Variants in PRTFDC1 observed in about 807,000 individuals in gnomAD.
The protein encoded by PRTFDC1 is phosphoribosyltransferase domain-containing protein 1.
PRTFDC1 carries 38 observed loss-of-function variants against 34.6 expected under a neutral mutation model. The ratio of observed to expected loss-of-function variants is 1.10; its 90% confidence interval spans 0.85 to 1.44. The LOEUF is 1.44. Among genes scored for constraint, PRTFDC1 ranks in the 40% most tolerant of loss-of-function variants. The pLI, the probability that PRTFDC1 is intolerant of heterozygous loss-of-function variation, is 0.00. For synonymous variants in PRTFDC1, 93 were observed against 98.1 expected, an observed-to-expected ratio of 0.95 and a Z score of 0.31; for missense variants, 270 against 283.0, an observed-to-expected ratio of 0.95 and a Z score of 0.33.
chr10:24,890,986 T>C (rs1381416488), intron 3 of PRTFDC1, among the ~76,000 whole-genome samples: 6 of 152,186 alleles, frequency 3.9e-5, no homozygotes, highest in African/African-American at 1.4e-4. Flanking sequence ...GCTGACAGGC[T>C]CATTTGTGGA....
chr10:24,900,535 A>G (rs1463822892), intron 3 of PRTFDC1, among the ~76,000 whole-genome samples: 1 of 152,246 alleles, frequency 6.6e-6, no homozygotes, highest in Admixed American at 6.5e-5. Flanking sequence ...TTGAGTGGAA[A>G]CAGAGGGAGA....
At position 24,937,229 on chromosome 10, in the gene PRTFDC1, T is replaced by G. The variant is rs369301102; in HGVS notation, c.294A>C (p.Arg98=). 2 of 1,613,804 alleles carry G rather than the reference T, an allele frequency of 1.2e-6. No homozygotes were observed. The highest frequency in any genetic ancestry group is 1.3e-5 in the African/African-American group (1 of 74,898). Residue 98 remains arginine, a synonymous_variant, in exon 3 of 9, where the codon CGA becomes CGC. Transcript: ENST00000320152. ...HLKNISRNSD[R]FVSMKVDFIR... ...TGAAATCAACCTTCATTGAGACAAA[T>G]CGATCTGAATTTCGGCTGATGTTCT...
At chr10:24,949,902 T>C (rs1849313301) in intron 1 of PRTFDC1, among the ~76,000 whole-genome samples, 1 of 151,940 alleles carries the variant, frequency 6.6e-6, no homozygotes, top group Non-Finnish European at 1.5e-5. Context: ...GCCAAGCTAA[T>C]TTTGTATTTT....
intron 4 of PRTFDC1, 89 bp from the exon 5 acceptor site, chr10:24,858,498 C>A (rs1847620528): frequency 7.4e-7 from 1 of 1,353,900 alleles, no homozygotes; most frequent in African/African-American, 1.4e-5. Context: ...GTTAGAATTT[C>A]ACAATTTACT....
At chr10:24,883,749 G>A (rs1273979044) in intron 3 of PRTFDC1, among the ~76,000 whole-genome samples, 1 of 149,246 alleles carries the variant, frequency 6.7e-6, no homozygotes, top group Non-Finnish European at 1.5e-5. Flanking sequence ...ACTCCCCAAA[G>A]ACTCCAGCAA....
rs1849365806 is a variant in PRTFDC1, at chr10:24,952,587, G to C, written c.-12C>G. On this transcript the variant is annotated 5_prime_UTR_variant, in exon 1 of 9. Transcript: ENST00000320152. This position sits in a 1 kb window ranked among gnomAD's most constrained non-coding sequence, Gnocchi z 5.1. Reference sequence around the variant, plus strand: ...CTGCTCCCGGCCATGTTTCTCCCGGGGAACGCGGGAAGGGAAGACGGCGCG... The same window carrying C: ...CTGCTCCCGGCCATGTTTCTCCCGGCGAACGCGGGAAGGGAAGACGGCGCG... 3 of 1,580,644 alleles carry C rather than the reference G, an allele frequency of 1.9e-6. No homozygotes were observed. Among genetic ancestry groups the C allele is most frequent in the Non-Finnish European group, 2.6e-6 (3 of 1,163,720 alleles).
chr10:24,919,188 A>G (rs184924164), intron 3 of PRTFDC1, among the ~76,000 whole-genome samples: 243 of 152,326 alleles, frequency 1.6e-3, no homozygotes, highest in African/African-American at 5.7e-3. Flanking sequence ...TAAACTAGAA[A>G]GATATCTTAG....
intron 3 of PRTFDC1, among the ~76,000 whole-genome samples, chr10:24,887,256 C>T (rs1045140569): frequency 7.2e-5 from 11 of 152,202 alleles, no homozygotes; most frequent in African/African-American, 2.6e-4. Context: ...AGGCGTGAGC[C>T]ACCGCGCCCG....
At chr10:24,891,583 AG>A (rs1255828767) in intron 3 of PRTFDC1, among the ~76,000 whole-genome samples, 1 of 151,776 alleles carries the variant, frequency 6.6e-6, no homozygotes, top group African/African-American at 2.4e-5. Flanking sequence ...GCTTGAGCTC[AG>A]GACTTCAAGA....
At chr10:24,895,253 C>CTTTTTTTTTTTTTTTTTTTTTTTT (rs60331186) in intron 3 of PRTFDC1, among the ~76,000 whole-genome samples, 1 of 105,190 alleles carries the variant, frequency 9.5e-6, no homozygotes. Flanking sequence ...TCTCCACTTT[C>CTTTTTTTTTTTTTTTTTTTTTTTT]TTTTTTTTTT....
Position 24,928,317 on chromosome 10 carries a change from AC to A in PRTFDC1, c.339+8866del, listed in dbSNP as rs561796492. 1.1e-4 allele frequency among the ~76,000 whole-genome samples: 17 copies of A among 151,736 alleles called. 1 individual carries two copies. In the East Asian group the frequency reaches 2.1e-3, roughly 19 times the overall value. The stretch of plus-strand genomic sequence containing the variant: ...TAAACCTACTTTGGACCCATCTGGC[AC>A]CCCCCCACAACTGAGGAACTCTTCT... On this transcript the variant is annotated intron_variant, in intron 3 of 8. Transcript: ENST00000320152.
chr10:24,882,670 T>A (rs1164078152), intron 3 of PRTFDC1, among the ~76,000 whole-genome samples: 2 of 152,202 alleles, frequency 1.3e-5, no homozygotes, highest in East Asian at 3.9e-4. Context: ...ATATACTTTT[T>A]ATTTTTATTT....
Position 24,942,217 on chromosome 10 carries a change from C to T in PRTFDC1, c.155+113G>A. ...TCACTGCCCTATATAAAAGTTCTCT[C>T]TACCACTATAAAACGCAGCTCAGGA... is the stretch of plus-strand genomic sequence containing the variant. On this transcript the variant is annotated intron_variant, in intron 2 of 8. Coordinates refer to ENST00000320152, the MANE Select transcript of PRTFDC1 (RefSeq NM_020200.7). The T allele has an allele frequency of 3.8e-6, 3 of 798,018 alleles. No individual in the cohort carries two copies. The South Asian group carries it at 4.9e-5, about 13-fold the overall frequency. 49.4% of individuals were successfully genotyped at this position (798,018 alleles called of 1,614,324 possible). A position where few individuals can be genotyped will look rare whatever the true frequency, so the allele number is the denominator to read the frequency against.
intron 1 of PRTFDC1, among the ~76,000 whole-genome samples, chr10:24,950,523 T>C (rs1849323408): frequency 6.6e-6 from 1 of 152,152 alleles, no homozygotes; most frequent in South Asian, 2.1e-4. Flanking sequence ...AGTGGTTGTT[T>C]AAAAGATTCT....
intron 3 of PRTFDC1, among the ~76,000 whole-genome samples, chr10:24,888,236 C>T (rs567927114): frequency 6.6e-6 from 1 of 152,288 alleles, no homozygotes; most frequent in East Asian, 1.9e-4. Flanking sequence ...TTAAAGATTC[C>T]TTAGTACTGA....
intron 1 of PRTFDC1, among the ~76,000 whole-genome samples, chr10:24,945,194 C>G (rs1022564678): frequency 3.8e-4 from 58 of 152,210 alleles, no homozygotes; most frequent in Non-Finnish European, 7.8e-4. Context: ...AGAACATGAG[C>G]TCCTTCTGGC....
chr10:24,944,708 G>A (rs750677477), intron 1 of PRTFDC1, among the ~76,000 whole-genome samples: 6 of 152,162 alleles, frequency 3.9e-5, no homozygotes, highest in Non-Finnish European at 7.3e-5. Flanking sequence ...ACTTGAGCCC[G>A]GGAGTTCGAG....
chr10:24,910,892 AT>A (rs554253291), intron 3 of PRTFDC1, among the ~76,000 whole-genome samples: 1,799 of 140,972 alleles, frequency 0.013, 60 homozygotes, highest in Admixed American at 0.08. Context: ...GAGTTAGGTA[AT>A]TTTTTTTTTT....
At chr10:24,882,018 C>T (rs1848086605) in intron 3 of PRTFDC1, among the ~76,000 whole-genome samples, 2 of 151,882 alleles carry the variant, frequency 1.3e-5, no homozygotes, top group African/African-American at 4.8e-5. Context: ...ACCAGCCTGG[C>T]CAACACGGTA....
Sources: gnomAD v4.1 joint callset for allele counts (sites outside exome capture counted in the v4.1 genomes callset) on GRCh38, gnomAD v4.1.1 for gene constraint, Gnocchi (gnomAD v3.1) non-coding constraint, MANE v1.5 for transcripts, NCBI Gene and HGNC (gene_info 2026-07-23, HGNC 2026-07-21) for gene names.